CSMD1: variants seen among roughly 807,000 people sequenced by gnomAD.
CSMD1 encodes the protein CUB and Sushi multiple domains 1, also known as CUB and sushi domain-containing protein 1.
In CSMD1, 213 loss-of-function variants were observed where a neutral mutation model predicts 417.5. That is an observed-to-expected ratio of 0.51 (90% CI 0.46 to 0.57). CSMD1 has a LOEUF of 0.57. Ranked by LOEUF, CSMD1 falls within the 20% of genes least tolerant of loss-of-function variation. The pLI is 0.00. For synonymous variants in CSMD1, 2,862 were observed against 1,736.8 expected (o/e 1.65, Z -16.11); for missense variants, 6,923 against 4,529.7 (o/e 1.53, Z -15.17).
At chr8:3,237,407 A>G (rs1379390316) in intron 26 of CSMD1, among the ~76,000 whole-genome samples, 1 of 151,666 alleles carries the variant, frequency 6.6e-6, no homozygotes, top group Admixed American at 6.6e-5. Context: ...CAGTGAGCTG[A>G]GATGGCACCA....
At chr8:3,270,516 T>C (rs1801765901) in intron 26 of CSMD1, among the ~76,000 whole-genome samples, 1 of 152,244 alleles carries the variant, frequency 6.6e-6, no homozygotes, top group South Asian at 2.1e-4. Flanking sequence ...TTCTGCCTGA[T>C]TTCCAACTGG....
chr8:4,121,182 T>G (rs1802467042), intron 3 of CSMD1, among the ~76,000 whole-genome samples: 1 of 152,172 alleles, frequency 6.6e-6, no homozygotes, highest in Admixed American at 6.5e-5. Context: ...TGGCACGATC[T>G]TAGCTCACAG....
intron 21 of CSMD1, among the ~76,000 whole-genome samples, chr8:3,357,132 G>C (rs1403117456): frequency 6.6e-6 from 1 of 152,138 alleles, no homozygotes; most frequent in Admixed American, 6.6e-5. Flanking sequence ...CAGGTGTGGG[G>C]AATTAGAGAG....
intron 2 of CSMD1, among the ~76,000 whole-genome samples, chr8:4,541,553 G>A (rs1482619354): frequency 6.6e-6 from 1 of 151,852 alleles, no homozygotes; most frequent in Non-Finnish European, 1.5e-5. Context: ...TTCAAGAACA[G>A]CCTGGCCACC....
chr8:3,368,468 C>G (rs1233943769), intron 19 of CSMD1, among the ~76,000 whole-genome samples: 1 of 152,132 alleles, frequency 6.6e-6, no homozygotes, highest in Admixed American at 6.5e-5. Context: ...CCCAGAGTAG[C>G]TGCGATTACA....
At chr8:4,039,435 C>T (rs995096345) in intron 3 of CSMD1, among the ~76,000 whole-genome samples, 3 of 152,162 alleles carry the variant, frequency 2.0e-5, no homozygotes, top group African/African-American at 4.8e-5. Context: ...ATTAAAAAAT[C>T]GGATTTCCTA....
At chr8:3,583,331 G>A (rs1006464888) in intron 9 of CSMD1, among the ~76,000 whole-genome samples, 2 of 151,962 alleles carry the variant, frequency 1.3e-5, no homozygotes, top group African/African-American at 4.8e-5. Context: ...GTGGGTCAGA[G>A]CTGCATGGTT....
intron 2 of CSMD1, among the ~76,000 whole-genome samples, chr8:4,513,258 T>C (rs1199872171): frequency 6.6e-6 from 1 of 151,858 alleles, no homozygotes; most frequent in Non-Finnish European, 1.5e-5. Context: ...GGACAGGGGG[T>C]ATATAAATTT....
chr8:3,947,280 G>A (rs1324228151), intron 5 of CSMD1, among the ~76,000 whole-genome samples: 4 of 152,024 alleles, frequency 2.6e-5, no homozygotes, highest in Admixed American at 6.5e-5. Context: ...ATTTATTGAC[G>A]TGATTATGTA....
chr8:3,548,432 T>C (rs529483037), intron 10 of CSMD1, among the ~76,000 whole-genome samples: 33 of 152,206 alleles, frequency 2.2e-4, no homozygotes, highest in Non-Finnish European at 4.0e-4. Context: ...TGTAGTCTTG[T>C]ATCCCTCAAC....
intron 10 of CSMD1, among the ~76,000 whole-genome samples, chr8:3,514,134 C>T (rs538545756): frequency 1.2e-4 from 18 of 152,248 alleles, no homozygotes; most frequent in African/African-American, 3.6e-4. Context: ...TCAATCTCTC[C>T]GTAATCACTT....
In CSMD1 at chr8:4,492,235, A is replaced by T. The variant is rs111668385; in HGVS notation, c.303-72170T>A. 8.6e-3 allele frequency among the ~76,000 whole-genome samples: 1,307 copies of T among 152,278 alleles called. 15 individuals carry two copies. Among genetic ancestry groups the T allele is most frequent in the African/African-American group, 0.03 (1,232 of 41,556 alleles). On this transcript the variant is annotated intron_variant, in intron 2 of 69. Coordinates refer to ENST00000635120, the MANE Select transcript of CSMD1 (RefSeq NM_033225.6). Reference sequence around the variant, plus strand: ...CTCCTGAGCAGCTGGTACTACAGGCATATGTGAGCATGCTCAGCTAACGAT... The same window carrying T: ...CTCCTGAGCAGCTGGTACTACAGGCTTATGTGAGCATGCTCAGCTAACGAT...
intron 5 of CSMD1, among the ~76,000 whole-genome samples, chr8:3,844,920 C>CAAATAT (rs879900356): frequency 0.056 from 8,573 of 152,160 alleles, 2 homozygotes; most frequent in African/African-American, 0.18. Flanking sequence ...CATTTAAAAA[C>CAAATAT]TGCCATCAGA....
At chr8:3,951,121 G>A (rs11136686) in intron 5 of CSMD1, among the ~76,000 whole-genome samples, 1 of 152,148 alleles carries the variant, frequency 6.6e-6, no homozygotes, top group African/African-American at 2.4e-5. Flanking sequence ...ACATTTATAG[G>A]CAGGAGATGT....
At position 4,064,959 on chromosome 8, in the gene CSMD1, C is replaced by A. The variant is rs142269848; in HGVS notation, c.416-32860G>T. On this transcript the variant is annotated intron_variant, in intron 3 of 69. Transcript: ENST00000635120. ...AAAAAAACCTTACCTCTAGATTTAACGCTGTGCATTCACTAACTTTTGTGT... is the reference window on the plus strand; with the variant it reads ...AAAAAAACCTTACCTCTAGATTTAAAGCTGTGCATTCACTAACTTTTGTGT... Among the ~76,000 whole-genome samples the A allele has an allele frequency of 7.1e-3, 1,080 of 151,514 alleles. 5 individuals are homozygous for A. The highest frequency in any genetic ancestry group is 0.012 in the Non-Finnish European group (808 of 67,902).
chr8:3,318,981 G>C (rs1053198856), intron 23 of CSMD1, among the ~76,000 whole-genome samples: 2 of 152,110 alleles, frequency 1.3e-5, no homozygotes, highest in South Asian at 4.1e-4. Flanking sequence ...TATACAAAGG[G>C]AGACCCAGAA....
At chr8:4,658,886 C>G (rs1804406681) in intron 1 of CSMD1, among the ~76,000 whole-genome samples, 1 of 152,024 alleles carries the variant, frequency 6.6e-6, no homozygotes, top group South Asian at 2.1e-4. Context: ...TATATAGGAG[C>G]ACAACTTTTC....
intron 5 of CSMD1, among the ~76,000 whole-genome samples, chr8:3,838,602 ATATT>A (rs1305923233): frequency 7.1e-6 from 1 of 139,862 alleles, no homozygotes; most frequent in African/African-American, 2.6e-5. Context: ...CTCTATATAA[ATATT>A]TATATATAAT....
At chr8:4,081,209 G>GT (rs1245473641) in intron 3 of CSMD1, among the ~76,000 whole-genome samples, 22 of 152,128 alleles carry the variant, frequency 1.4e-4, no homozygotes, top group Admixed American at 2.6e-4. Flanking sequence ...AGTCTGTGGC[G>GT]TTTTGTTATG....
Sources: allele counts gnomAD v4.1 joint callset (sites outside exome capture counted in the v4.1 genomes callset), GRCh38; gene constraint gnomAD v4.1.1; transcripts MANE v1.5; gene names NCBI Gene and HGNC (gene_info 2026-07-23, HGNC 2026-07-21).